Variants in NADK2 observed in about 807,000 individuals in gnomAD.
NADK2 encodes NAD kinase 2, mitochondrial, also known as NAD kinase domain-containing protein 1, mitochondrial.
In NADK2, 35 loss-of-function variants were observed where a neutral mutation model predicts 62.1. That is an observed-to-expected ratio of 0.56 (90% CI 0.43 to 0.75). The LOEUF (loss-of-function observed/expected upper bound fraction) is 0.75. NADK2 is among the 30% of genes least tolerant of loss of function. NADK2 has a pLI of 0.00. For missense variants in NADK2, 439 were observed against 561.3 expected (o/e 0.78, Z 2.20); for synonymous variants, 205 against 207.9 (o/e 0.99, Z 0.12).
At chr5:36,204,495 T>C (rs973333760) in intron 8 of NADK2, among the ~76,000 whole-genome samples, 3 of 152,128 alleles carry the variant, frequency 2.0e-5, no homozygotes, top group Non-Finnish European at 4.4e-5. Context: ...TTTCAACAAG[T>C]AGCATAGCAT....
chr5:36,232,422 C>T (rs1747742758), intron 1 of NADK2, among the ~76,000 whole-genome samples: 1 of 152,050 alleles, frequency 6.6e-6, no homozygotes. Flanking sequence ...GTATGTCAAT[C>T]CACTAGGCAT....
chr5:36,209,228 A>G (rs971119986), intron 7 of NADK2, among the ~76,000 whole-genome samples: 7 of 152,176 alleles, frequency 4.6e-5, no homozygotes, highest in Non-Finnish European at 2.9e-5. Flanking sequence ...AGCATCAGTT[A>G]TTTATGAGAT....
At chr5:36,239,583 G>C (rs1041057056) in intron 1 of NADK2, among the ~76,000 whole-genome samples, 1 of 152,110 alleles carries the variant, frequency 6.6e-6, no homozygotes. Context: ...GGTACACTTA[G>C]GTAGTTTGAC....
At position 36,241,384 on chromosome 5, in the gene NADK2, CG is replaced by C; in HGVS notation, c.300+114del. On this transcript the variant is annotated intron_variant, in intron 1 of 11. Coordinates refer to ENST00000381937, the MANE Select transcript of NADK2 (RefSeq NM_001085411.3). The surrounding 1 kb of genome is among the most constrained non-coding windows in gnomAD (Gnocchi z 4.9). ...CTGGGGGCCGCGAGAGAGGCAGGAC[CG>C]GCATCTGCGGTGCCCTGGGAAGAGT... 7.4e-7 allele frequency: 1 copy of C among 1,353,476 alleles called. No homozygotes were observed. Among genetic ancestry groups the C allele is most frequent in the Non-Finnish European group, 9.5e-7 (1 of 1,054,898 alleles). The allele number at this position is 1,353,476 out of a possible 1,614,324, so 83.8% of individuals were successfully genotyped here.
chr5:36,225,978 C>T (rs1198815082), intron 3 of NADK2, among the ~76,000 whole-genome samples: 2 of 152,182 alleles, frequency 1.3e-5, no homozygotes, highest in African/African-American at 2.4e-5. Context: ...TAACACCAGT[C>T]CAAATTCACA....
intron 1 of NADK2, among the ~76,000 whole-genome samples, chr5:36,239,826 T>C (rs1748041831): frequency 6.6e-6 from 1 of 152,174 alleles, no homozygotes; most frequent in Admixed American, 6.5e-5. Context: ...AAACTGACAC[T>C]ACTATACAAA....
chr5:36,215,857 T>A (rs1275790959), intron 6 of NADK2, among the ~76,000 whole-genome samples: 1 of 152,204 alleles, frequency 6.6e-6, no homozygotes, highest in Non-Finnish European at 1.5e-5. Context: ...GATGGACACT[T>A]TGACTCCATA....
Position 36,241,788 on chromosome 5 carries a change from T to C in NADK2, c.11A>G (p.Tyr4Cys), listed in dbSNP as rs894604298. The C allele has an allele frequency of 3.7e-6, 5 of 1,336,938 alleles. No individual in the cohort carries two copies. The highest frequency in any genetic ancestry group is 4.8e-6 in the Non-Finnish European group (5 of 1,039,650). 82.8% of individuals were successfully genotyped at this position (1,336,938 alleles called of 1,614,324 possible). A position where few individuals can be genotyped will look rare whatever the true frequency, so the allele number is the denominator to read the frequency against. ...ACAGCTGCCCAGCAAGAAGCCTCGG[T>C]AGCAAGTCATCGTGGGCCGGGCCGC... MTC[Y>C]RGFLLGSCCR... is the part of the protein sequence containing the mutation. The change falls in exon 1 of 12, where the codon TAC becomes TGC. Residue 4 changes from tyrosine to cysteine, a missense_variant. Transcript: ENST00000381937. The surrounding 1 kb of genome is among the most constrained non-coding windows in gnomAD (Gnocchi z 4.9).
intron 6 of NADK2, 45 bp downstream of exon 6, chr5:36,217,703 G>C: frequency 6.2e-7 from 1 of 1,611,224 alleles, no homozygotes; most frequent in Non-Finnish European, 8.5e-7. Context: ...AAGGAGCTAT[G>C]AGTTAAATAT....
At chr5:36,209,228 AT>A (rs1404090702) in intron 7 of NADK2, among the ~76,000 whole-genome samples, 2 of 152,176 alleles carry the variant, frequency 1.3e-5, no homozygotes, top group African/African-American at 4.8e-5. Context: ...AGCATCAGTT[AT>A]TTATGAGATA....
intron 1 of NADK2, among the ~76,000 whole-genome samples, chr5:36,232,785 G>A (rs558900116): frequency 1.3e-5 from 2 of 151,808 alleles, no homozygotes; most frequent in African/African-American, 4.8e-5. Context: ...CTGAGTTATC[G>A]CCCCACTCCA....
At chr5:36,235,192 C>A (rs894854521) in intron 1 of NADK2, among the ~76,000 whole-genome samples, 3 of 151,998 alleles carry the variant, frequency 2.0e-5, no homozygotes, top group Non-Finnish European at 4.4e-5. Context: ...GAAATGATAA[C>A]TTCTTTAAAA....
chr5:36,207,017 C>T (rs1041097778), intron 8 of NADK2, among the ~76,000 whole-genome samples, 153 bp downstream of exon 8: 1 of 152,064 alleles, frequency 6.6e-6, no homozygotes, highest in Non-Finnish European at 1.5e-5. Flanking sequence ...GGCAGGACTA[C>T]TAGACCCAAA....
Position 36,217,124 on chromosome 5 carries a change from T to C in NADK2, c.781+624A>G, listed in dbSNP as rs534557929. On this transcript the variant is annotated intron_variant, in intron 6 of 11. Transcript: ENST00000381937. Reference sequence around the variant, plus strand: ...ATAAATTTATCCAGAAAATAAAACATAGGAGAAAACTGTATCTTTTTAAAC... The same window carrying C: ...ATAAATTTATCCAGAAAATAAAACACAGGAGAAAACTGTATCTTTTTAAAC... 1.2e-4 allele frequency among the ~76,000 whole-genome samples: 18 copies of C among 152,198 alleles called. No individual in the cohort carries two copies. In the South Asian group the frequency reaches 1.2e-3, roughly 11 times the overall value.
intron 8 of NADK2, among the ~76,000 whole-genome samples, chr5:36,203,376 T>C (rs1746516889): frequency 6.6e-6 from 1 of 152,032 alleles, no homozygotes; most frequent in African/African-American, 2.4e-5. Flanking sequence ...TCTTCCTACA[T>C]TTTTTGAAGC....
At chr5:36,213,691 G>A (rs953220254) in intron 6 of NADK2, among the ~76,000 whole-genome samples, 2 of 146,416 alleles carry the variant, frequency 1.4e-5, no homozygotes, top group Non-Finnish European at 3.0e-5. Flanking sequence ...GCTTTAAACT[G>A]TCTTAGGTAC....
chr5:36,241,873 GT>G lies in NADK2; in HGVS notation c.-76del, dbSNP rs1415284959. 4.7e-5 allele frequency: 52 copies of G among 1,115,078 alleles called. No individual in the cohort carries two copies. In the African/African-American group the frequency reaches 8.4e-4, roughly 18 times the overall value. 69.1% of individuals were successfully genotyped at this position (1,115,078 alleles called of 1,614,324 possible). A position where few individuals can be genotyped will look rare whatever the true frequency, so the allele number is the denominator to read the frequency against. Reference sequence around the variant, plus strand: ...CTCCCTACCGCCGGGAGTGCGCGCCGTCCGCGCCGCCCGGGCCTCTAACTTC... The same window carrying G: ...CTCCCTACCGCCGGGAGTGCGCGCCGCCGCGCCGCCCGGGCCTCTAACTTC... On this transcript the variant is annotated 5_prime_UTR_variant, in exon 1 of 12. Coordinates refer to ENST00000381937, the MANE Select transcript of NADK2 (RefSeq NM_001085411.3). The surrounding 1 kb of genome is among the most constrained non-coding windows in gnomAD (Gnocchi z 4.9).
intron 8 of NADK2, among the ~76,000 whole-genome samples, chr5:36,201,476 A>G (rs1228164675): frequency 6.6e-6 from 1 of 152,060 alleles, no homozygotes; most frequent in African/African-American, 2.4e-5. Context: ...AGGTACAAAA[A>G]TATTAGCTGA....
intron 8 of NADK2, among the ~76,000 whole-genome samples, chr5:36,203,918 T>C (rs974969912): frequency 6.6e-6 from 1 of 152,018 alleles, no homozygotes; most frequent in African/African-American, 2.4e-5. Context: ...TCAGAACCCC[T>C]CTCCCTCTCC....
Sources: gnomAD v4.1 joint callset for allele counts (sites outside exome capture counted in the v4.1 genomes callset) on GRCh38, gnomAD v4.1.1 for gene constraint, Gnocchi (gnomAD v3.1) non-coding constraint, MANE v1.5 for transcripts, NCBI Gene and HGNC (gene_info 2026-07-23, HGNC 2026-07-21) for gene names.